Variants in LEKR1 observed in about 807,000 individuals in gnomAD.
LEKR1 encodes protein LEKR1.
LEKR1 carries 59 observed loss-of-function variants against 72.4 expected under a neutral mutation model. The ratio of observed to expected loss-of-function variants is 0.82; its 90% confidence interval spans 0.66 to 1.01. The LOEUF (loss-of-function observed/expected upper bound fraction) is 1.01. Ranked by LOEUF, LEKR1 falls within the 50% of genes least tolerant of loss-of-function variation. LEKR1 has a pLI of 0.00. For synonymous variants in LEKR1, 257 were observed against 263.2 expected (o/e 0.98, Z 0.23); for missense variants, 728 against 759.2 (o/e 0.96, Z 0.48).
chr3:157,014,640 T>C (rs1576996685), intron 10 of LEKR1, among the ~76,000 whole-genome samples: 1 of 152,122 alleles, frequency 6.6e-6, no homozygotes, highest in East Asian at 1.9e-4. Context: ...AAAAGGAATA[T>C]TGAGGACATG....
chr3:157,027,091 T>C (rs1219521188), intron 11 of LEKR1, among the ~76,000 whole-genome samples: 2 of 152,212 alleles, frequency 1.3e-5, no homozygotes, highest in Non-Finnish European at 2.9e-5. Context: ...TTGGTCACAT[T>C]AGTCATATTT....
At chr3:156,962,079 C>T (rs1728179847) in intron 6 of LEKR1, among the ~76,000 whole-genome samples, 1 of 152,172 alleles carries the variant, frequency 6.6e-6, no homozygotes, top group Non-Finnish European at 1.5e-5. Flanking sequence ...AGTCTGCCTG[C>T]TCTTAGAAAA....
At chr3:156,941,419 C>T (rs1432872923) in intron 5 of LEKR1, among the ~76,000 whole-genome samples, 2 of 152,072 alleles carry the variant, frequency 1.3e-5, no homozygotes, top group East Asian at 3.9e-4. Context: ...TCTGTTCTAG[C>T]TCTCTGCTTT....
chr3:156,880,292 A>C (rs903160107), intron 3 of LEKR1, among the ~76,000 whole-genome samples: 1 of 152,188 alleles, frequency 6.6e-6, no homozygotes, highest in African/African-American at 2.4e-5. Context: ...ATAATTTTGG[A>C]GCTTTAAGAT....
At chr3:156,870,501 G>T (rs1007107761) in intron 3 of LEKR1, among the ~76,000 whole-genome samples, 1 of 151,870 alleles carries the variant, frequency 6.6e-6, no homozygotes. Context: ...TCCATTATTG[G>T]TATATAGAAA....
chr3:157,031,113 G>T (rs12636741), intron 12 of LEKR1, among the ~76,000 whole-genome samples: 3 of 151,952 alleles, frequency 2.0e-5, no homozygotes, highest in Admixed American at 6.6e-5. Flanking sequence ...CGTTTTAAAG[G>T]CTTCCAATCA....
intron 5 of LEKR1, among the ~76,000 whole-genome samples, chr3:156,929,635 G>A (rs1489569008): frequency 6.6e-5 from 10 of 151,246 alleles, no homozygotes; most frequent in Admixed American, 4.6e-4. Context: ...ACACTGGCCA[G>A]TGTACCATAA....
intron 7 of LEKR1, chr3:156,988,489 G>A (rs192794498): frequency 1.0e-4 from 19 of 188,598 alleles, no homozygotes; most frequent in Admixed American, 6.1e-4. Flanking sequence ...TTCCTGTAGC[G>A]AATCTAGGAA....
intron 3 of LEKR1, among the ~76,000 whole-genome samples, chr3:156,861,090 A>T (rs1319678331): frequency 1.3e-5 from 2 of 152,176 alleles, no homozygotes; most frequent in East Asian, 1.9e-4. Flanking sequence ...TCCTGAAACA[A>T]TATCAGGTAC....
At chr3:156,982,853 G>A (rs537625290) in intron 7 of LEKR1, among the ~76,000 whole-genome samples, 5 of 137,604 alleles carry the variant, frequency 3.6e-5, no homozygotes, top group African/African-American at 1.1e-4. Flanking sequence ...GTGTGTGTGT[G>A]TGTAGATAGA....
chr3:156,901,019 C>G (rs908127237), intron 3 of LEKR1, among the ~76,000 whole-genome samples: 35 of 151,912 alleles, frequency 2.3e-4, no homozygotes, highest in Admixed American at 1.5e-3. Flanking sequence ...GAGATGGGAT[C>G]TTGCTGTGTT....
intron 6 of LEKR1, among the ~76,000 whole-genome samples, chr3:156,952,319 A>G (rs1727229629): frequency 6.6e-6 from 1 of 151,436 alleles, no homozygotes; most frequent in Non-Finnish European, 1.5e-5. Flanking sequence ...AGTAGCAACA[A>G]AAATGCATTT....
intron 3 of LEKR1, among the ~76,000 whole-genome samples, chr3:156,860,141 G>A (rs1716602157): frequency 6.6e-6 from 1 of 152,026 alleles, no homozygotes. Context: ...GGAGGATCTG[G>A]GAACAATGGG....
At chr3:156,869,064 A>G (rs553557848) in intron 3 of LEKR1, among the ~76,000 whole-genome samples, 3 of 152,158 alleles carry the variant, frequency 2.0e-5, no homozygotes, top group African/African-American at 7.2e-5. Flanking sequence ...TTCATTGTGT[A>G]TGTATATCAC....
chr3:156,966,352 A>C (rs1016682910), intron 6 of LEKR1, among the ~76,000 whole-genome samples: 1 of 152,174 alleles, frequency 6.6e-6, no homozygotes, highest in African/African-American at 2.4e-5. Context: ...CGGGAAGTGC[A>C]AGGAGTCAGG....
chr3:156,967,597 C>G (rs1728749625), intron 6 of LEKR1, among the ~76,000 whole-genome samples: 1 of 152,104 alleles, frequency 6.6e-6, no homozygotes, highest in South Asian at 2.1e-4. Context: ...AAGAAATGAA[C>G]AAAGCCTCCA....
intron 6 of LEKR1, among the ~76,000 whole-genome samples, chr3:156,969,907 C>G (rs530817955): frequency 2.0e-5 from 3 of 152,202 alleles, no homozygotes; most frequent in African/African-American, 7.2e-5. Context: ...AGCAGCACAT[C>G]AAAAAGCATA....
intron 3 of LEKR1, among the ~76,000 whole-genome samples, chr3:156,914,366 A>G (rs144461467): frequency 0.019 from 2,812 of 151,994 alleles, 79 homozygotes; most frequent in African/African-American, 0.063. Context: ...CCCCGTGTCC[A>G]TGTATTCTCA....
Position 156,942,515 on chromosome 3 carries a change from A to T in LEKR1, c.560-14A>T. 1 of 1,016,832 alleles carries T rather than the reference A, an allele frequency of 9.8e-7. No homozygotes were observed. Among genetic ancestry groups the T allele is most frequent in the South Asian group, 1.5e-5 (1 of 68,310 alleles). 63.0% of individuals were successfully genotyped at this position (1,016,832 alleles called of 1,614,324 possible). On this transcript the variant is annotated splice_polypyrimidine_tract_variant and intron_variant, in intron 5 of 12. Transcript: ENST00000356539. ...AATTATTGGCTATTTGTAAACTTTGAATTCTTCTTACAGAAATAGACATAC... is the reference window on the plus strand; with the variant it reads ...AATTATTGGCTATTTGTAAACTTTGTATTCTTCTTACAGAAATAGACATAC...
Sources: allele counts gnomAD v4.1 joint callset (sites outside exome capture counted in the v4.1 genomes callset), GRCh38; gene constraint gnomAD v4.1.1; transcripts MANE v1.5; gene names NCBI Gene and HGNC (gene_info 2026-07-23, HGNC 2026-07-21).